Variants in STK3 observed in about 807,000 individuals in gnomAD.
The protein encoded by STK3 is serine/threonine-protein kinase 3.
A neutral mutation model predicts 58.0 loss-of-function variants in STK3; 41 were observed. The ratio of observed to expected loss-of-function variants is 0.71; its 90% confidence interval spans 0.55 to 0.92. The LOEUF is 0.92. STK3 is among the 40% of genes least tolerant of loss of function. The pLI is 0.00. For missense variants in STK3, 479 were observed against 602.7 expected, an observed-to-expected ratio of 0.79 and a Z score of 2.15; for synonymous variants, 170 against 191.0, an observed-to-expected ratio of 0.89 and a Z score of 0.91.
intron 10 of STK3, among the ~76,000 whole-genome samples, chr8:98,500,193 A>G (rs1385679184): frequency 2.6e-5 from 4 of 152,114 alleles, no homozygotes; most frequent in African/African-American, 9.7e-5. Flanking sequence ...AGAAAACAAA[A>G]AGAAACAGAT....
chr8:98,615,236 C>T (rs1160001703), intron 6 of STK3, among the ~76,000 whole-genome samples: 1 of 150,360 alleles, frequency 6.7e-6, no homozygotes, highest in Non-Finnish European at 1.5e-5. Flanking sequence ...TCCAACAGAC[C>T]TGCAGCTGAG....
intron 10 of STK3, among the ~76,000 whole-genome samples, chr8:98,523,375 C>CT (rs558917345): frequency 0.016 from 2,248 of 137,680 alleles, 38 homozygotes; most frequent in African/African-American, 0.039. Context: ...GTCCTTTGCC[C>CT]TTTTTTTTTT....
intron 6 of STK3, among the ~76,000 whole-genome samples, chr8:98,698,068 T>G (rs1474025639): frequency 1.3e-5 from 2 of 152,218 alleles, no homozygotes; most frequent in Non-Finnish European, 2.9e-5. Context: ...GCATATATAT[T>G]TAAGACAGTT....
Position 98,696,569 on chromosome 8 carries a change from A to G in STK3, c.684+9898T>C, listed in dbSNP as rs527745378. 5.2e-4 allele frequency among the ~76,000 whole-genome samples: 79 copies of G among 151,554 alleles called. 1 individual carries two copies. Among genetic ancestry groups the G allele is most frequent in the South Asian group, 1.9e-3 (9 of 4,790 alleles). Reference sequence around the variant, plus strand: ...TTATGGAGAGTTTTTAGCATGAAGCATTGTTGAATTTTGTCAAAGGCCTTT... The same window carrying G: ...TTATGGAGAGTTTTTAGCATGAAGCGTTGTTGAATTTTGTCAAAGGCCTTT... On this transcript the variant is annotated intron_variant, in intron 6 of 10. Transcript: ENST00000419617.
At chr8:98,590,142 A>T (rs1233668273) in intron 7 of STK3, among the ~76,000 whole-genome samples, 1 of 152,170 alleles carries the variant, frequency 6.6e-6, no homozygotes, top group Non-Finnish European at 1.5e-5. Flanking sequence ...CTCTTGAGAA[A>T]AGTGAATGGA....
chr8:98,793,790 C>T (rs1395115800), intron 1 of STK3, among the ~76,000 whole-genome samples: 2 of 151,886 alleles, frequency 1.3e-5, no homozygotes, highest in Non-Finnish European at 2.9e-5. Context: ...ACCACATGCT[C>T]GGCCATAAAA....
intron 10 of STK3, among the ~76,000 whole-genome samples, chr8:98,511,918 C>T (rs537422417): frequency 9.9e-5 from 15 of 151,496 alleles, no homozygotes; most frequent in South Asian, 8.3e-4. Context: ...GTTTTAGTTA[C>T]GAAACAGAAA....
At chr8:98,627,925 C>T (rs1818860286) in intron 6 of STK3, among the ~76,000 whole-genome samples, 1 of 152,164 alleles carries the variant, frequency 6.6e-6, no homozygotes, top group South Asian at 2.1e-4. Context: ...TGTGCCAGCA[C>T]ACTATGTTGT....
intron 8 of STK3, among the ~76,000 whole-genome samples, chr8:98,574,626 A>G (rs1345088015): frequency 1.3e-5 from 2 of 152,216 alleles, no homozygotes; most frequent in African/African-American, 2.4e-5. Flanking sequence ...AGACCCACAA[A>G]GTGTTTTTGG....
At chr8:98,452,788 C>G (rs1025035066), downstream of STK3, among the ~76,000 whole-genome samples, 3 of 148,032 alleles carry the variant, frequency 2.0e-5, no homozygotes, top group Admixed American at 2.0e-4. Context: ...TGAGACAAAG[C>G]CTTACTCTGT....
At chr8:98,559,521 T>C (rs1489136465) in intron 8 of STK3, among the ~76,000 whole-genome samples, 1 of 152,120 alleles carries the variant, frequency 6.6e-6, no homozygotes, top group Non-Finnish European at 1.5e-5. Flanking sequence ...ACCTACACTT[T>C]TCTTTAACCA....
chr8:98,578,431 C>T (rs1308531951), intron 8 of STK3, among the ~76,000 whole-genome samples: 1 of 152,116 alleles, frequency 6.6e-6, no homozygotes, highest in Non-Finnish European at 1.5e-5. Flanking sequence ...TGACAACGGC[C>T]AAATAAATAA....
chr8:98,454,174 A>G (rs1294770483), downstream of STK3, among the ~76,000 whole-genome samples: 1 of 151,950 alleles, frequency 6.6e-6, no homozygotes, highest in African/African-American at 2.4e-5. Context: ...GAGACAATAT[A>G]CCTTCTGTGA....
chr8:98,934,476 A>C lies in STK3; in HGVS notation c.-79+7902T>G, dbSNP rs927573214. On this transcript the variant is annotated intron_variant, in intron 1 of 1. Transcript: ENST00000519420. ...GAAGCCACAACTAAGAGTGAACAAA[A>C]AGGGGCAAGTAGTGGCAATATGCTC... 2.0e-5 allele frequency among the ~76,000 whole-genome samples: 3 copies of C among 152,234 alleles called. No homozygotes were observed. In the South Asian group the frequency reaches 6.2e-4, roughly 32 times the overall value.
chr8:98,828,417 C>T (rs1835394491), upstream of STK3, among the ~76,000 whole-genome samples: 4 of 93,510 alleles, frequency 4.3e-5, no homozygotes, highest in South Asian at 1.5e-3. Flanking sequence ...GCCTGGGAAA[C>T]ATGGTGAAAC....
chr8:98,597,583 T>A, intron 6 of STK3: 1 of 985,408 alleles, frequency 1.0e-6, no homozygotes, highest in Non-Finnish European at 1.2e-6. Context: ...ATAGTGCCAG[T>A]GGACCTACTT....
chr8:98,740,139 G>C (rs913198090), intron 4 of STK3, among the ~76,000 whole-genome samples: 1 of 152,200 alleles, frequency 6.6e-6, no homozygotes, highest in African/African-American at 2.4e-5. Flanking sequence ...GAAAGTGACG[G>C]GGAGAATGGA....
chr8:98,533,861 A>G (rs1809541069), intron 9 of STK3, among the ~76,000 whole-genome samples: 1 of 152,168 alleles, frequency 6.6e-6, no homozygotes, highest in African/African-American at 2.4e-5. Context: ...GTAGAATTCC[A>G]AATCCTTTAC....
chr8:98,939,861 G>T (rs538555684), intron 1 of STK3, among the ~76,000 whole-genome samples: 3 of 152,248 alleles, frequency 2.0e-5, no homozygotes, highest in Non-Finnish European at 2.9e-5. Context: ...TCCCAGAGGG[G>T]CCCGGTGCGG....
Sources: gnomAD v4.1 joint callset for allele counts (sites outside exome capture counted in the v4.1 genomes callset) on GRCh38, gnomAD v4.1.1 for gene constraint, MANE v1.5 for transcripts, NCBI Gene and HGNC (gene_info 2026-07-23, HGNC 2026-07-21) for gene names.